Variants in DMD observed in about 807,000 individuals in gnomAD.
DMD encodes dystrophin, also known as mutant dystrophin.
A neutral mutation model predicts 330.1 loss-of-function variants in DMD; 63 were observed. That is an observed-to-expected ratio of 0.19 (90% CI 0.16 to 0.24). The LOEUF (loss-of-function observed/expected upper bound fraction) is 0.24, where lower values mean the gene tolerates loss of function less well. Ranked by LOEUF, DMD falls within the 10% of genes least tolerant of loss-of-function variation. The pLI, the probability that DMD is intolerant of heterozygous loss-of-function variation, is 1.00. For missense variants in DMD, 3,344 were observed against 2,684.1 expected, an observed-to-expected ratio of 1.25 and a Z score of -5.43; for synonymous variants, 1,223 against 959.8, an observed-to-expected ratio of 1.27 and a Z score of -5.07.
At chrX:32,203,253 T>C (rs944985171) in intron 44 of DMD, among the ~76,000 whole-genome samples, 50 of 112,747 alleles carry the variant, frequency 4.4e-4, no homozygotes, top group African/African-American at 1.5e-3. Flanking sequence ...GAGGTTTATG[T>C]ATCTATCTCT....
intron 47 of DMD, among the ~76,000 whole-genome samples, chrX:31,886,688 C>T (rs993629386): frequency 1.8e-5 from 2 of 111,594 alleles, no homozygotes; most frequent in African/African-American, 6.5e-5. Context: ...TGGGTCTTCT[C>T]ATTACTGATA....
chrX:31,580,650 A>C, intron 55 of DMD, among the ~76,000 whole-genome samples: 1 of 112,272 alleles, frequency 8.9e-6, no homozygotes, highest in Admixed American at 9.4e-5. Context: ...GTAAACTATT[A>C]AAACAAAACA....
At chrX:32,613,110 C>T (rs181650651) in intron 12 of DMD, among the ~76,000 whole-genome samples, 4 of 111,379 alleles carry the variant, frequency 3.6e-5, no homozygotes, top group Non-Finnish European at 7.6e-5. Context: ...AGTAGAGTTG[C>T]CAGATAAAAT....
chrX:32,256,950 G>A (rs73460058), intron 43 of DMD, among the ~76,000 whole-genome samples: 20,036 of 109,701 alleles, frequency 0.18, 1,467 homozygotes, highest in East Asian at 0.32. Flanking sequence ...CTAACATTAC[G>A]AGCAACTTCA....
chrX:33,023,702 T>C (rs896864590), intron 1 of DMD, among the ~76,000 whole-genome samples: 1 of 112,045 alleles, frequency 8.9e-6, no homozygotes, highest in Non-Finnish European at 1.9e-5. Context: ...TTAATTGGAA[T>C]GAGATAATTA....
Position 31,608,761 on chromosome X carries a change from G to A in DMD, c.8217+18912C>T, listed in dbSNP as rs543093393. ...AACAGGAATGTATAGATCTCTTAAG[G>A]CCTAGGCTGAAAACTGTCACCTCTC... On this transcript the variant is annotated intron_variant, in intron 55 of 78. Coordinates refer to ENST00000357033, the MANE Select transcript of DMD (RefSeq NM_004006.3). Among the ~76,000 whole-genome samples, 3 of 110,801 alleles carry A rather than the reference G, an allele frequency of 2.7e-5. No homozygotes were observed. In the South Asian group the frequency reaches 1.2e-3, roughly 43 times the overall value.
chrX:33,010,156 GTGTGTATA>G (rs1444204188), intron 2 of DMD, among the ~76,000 whole-genome samples: 12 of 99,533 alleles, frequency 1.2e-4, no homozygotes, highest in Non-Finnish European at 2.0e-4. Flanking sequence ...ATATATACAT[GTGTGTATA>G]TGTATATATG....
intron 1 of DMD, among the ~76,000 whole-genome samples, chrX:33,080,779 C>A (rs895216446): frequency 4.5e-5 from 5 of 111,230 alleles, no homozygotes; most frequent in African/African-American, 1.6e-4. Context: ...TGATAGCTGA[C>A]CTTAATTTAG....
chrX:32,133,386 CA>C (rs2096709017), intron 44 of DMD, among the ~76,000 whole-genome samples: 1 of 111,065 alleles, frequency 9.0e-6, no homozygotes, highest in Admixed American at 9.6e-5. Flanking sequence ...GTCACGTTGT[CA>C]TTTCTATCTA....
rs748564228 is a variant in DMD, at chrX:31,954,070, AC to A, written c.6614+14268del. ...TGGATAGACTCTAATCATTAAAAAA[AC>A]AATCATTATATTGGCTCATAAAGTT... On this transcript the variant is annotated intron_variant, in intron 45 of 78. Coordinates refer to ENST00000357033, the MANE Select transcript of DMD (RefSeq NM_004006.3). Among the ~76,000 whole-genome samples the A allele has an allele frequency of 7.2e-5, 8 of 111,555 alleles. No individual in the cohort carries two copies. The East Asian group carries it at 8.5e-4, about 12-fold the overall frequency.
intron 44 of DMD, among the ~76,000 whole-genome samples, chrX:32,059,225 G>A (rs934915001): frequency 2.7e-5 from 3 of 111,040 alleles, no homozygotes; most frequent in Non-Finnish European, 5.7e-5. Flanking sequence ...AATTTATTAA[G>A]AGGGTGGATT....
At chrX:33,153,058 A>G (rs2048351529) in intron 1 of DMD, among the ~76,000 whole-genome samples, 1 of 112,683 alleles carries the variant, frequency 8.9e-6, no homozygotes, top group Non-Finnish European at 1.9e-5. Context: ...CAGACAATTG[A>G]TTCAGACTTA....
chrX:33,068,410 G>C (rs1318657241), intron 1 of DMD, among the ~76,000 whole-genome samples: 1 of 112,067 alleles, frequency 8.9e-6, no homozygotes, highest in Non-Finnish European at 1.9e-5. Flanking sequence ...GACAGCGGAG[G>C]AGGTATTGTA....
At chrX:32,237,142 T>C (rs770200293) in intron 43 of DMD, among the ~76,000 whole-genome samples, 5 of 111,295 alleles carry the variant, frequency 4.5e-5, no homozygotes, top group Non-Finnish European at 9.4e-5. Context: ...TTGCCCTACA[T>C]GCCCCAAAAT....
At position 31,364,026 on chromosome X, in the gene DMD, C is replaced by T. The variant is rs866885694; in HGVS notation, c.9085-15392G>A. On this transcript the variant is annotated intron_variant, in intron 60 of 78. Transcript: ENST00000357033. ...TTGAGGAAGGAGAAGTTAACAGTCCCGAGTTATATACAGACTATTGTCAGA... is the reference window on the plus strand; with the variant it reads ...TTGAGGAAGGAGAAGTTAACAGTCCTGAGTTATATACAGACTATTGTCAGA... 6.2e-5 allele frequency among the ~76,000 whole-genome samples: 7 copies of T among 112,434 alleles called. No homozygotes were observed. In the East Asian group the frequency reaches 1.1e-3, roughly 18 times the overall value.
At chrX:32,506,541 G>A (rs2044647434) in intron 18 of DMD, among the ~76,000 whole-genome samples, 1 of 109,595 alleles carries the variant, frequency 9.1e-6, no homozygotes, top group Non-Finnish European at 1.9e-5. Flanking sequence ...AAATCTATAA[G>A]GTAGTAATTT....
chrX:31,139,596 A>G (rs2035787109), intron 76 of DMD, among the ~76,000 whole-genome samples: 1 of 109,939 alleles, frequency 9.1e-6, no homozygotes, highest in African/African-American at 3.3e-5. Context: ...TAAGTAAAGT[A>G]ACTCAGGAAT....
intron 6 of DMD, among the ~76,000 whole-genome samples, chrX:32,814,517 G>T (rs2077583591): frequency 8.9e-6 from 1 of 111,823 alleles, no homozygotes; most frequent in African/African-American, 3.2e-5. Flanking sequence ...TTTAGATAAA[G>T]AATATGAACA....
chrX:32,281,409 TATTA>T (rs1453580944), intron 43 of DMD, among the ~76,000 whole-genome samples: 6 of 112,276 alleles, frequency 5.3e-5, no homozygotes, highest in Non-Finnish European at 1.9e-5. Context: ...AGTACATATT[TATTA>T]TTTTTAAAAT....
Sources: gnomAD v4.1 joint callset for allele counts (sites outside exome capture counted in the v4.1 genomes callset) on GRCh38, gnomAD v4.1.1 for gene constraint, MANE v1.5 for transcripts, NCBI Gene and HGNC (gene_info 2026-07-23, HGNC 2026-07-21) for gene names.